PCGF2: variants seen among roughly 807,000 people sequenced by gnomAD.
PCGF2 encodes the protein polycomb group RING finger protein 2.
PCGF2 carries 8 observed loss-of-function variants against 36.1 expected under a neutral mutation model. The ratio of observed to expected loss-of-function variants is 0.22; its 90% CI spans 0.13 to 0.40. The LOEUF (loss-of-function observed/expected upper bound fraction) is 0.40. Ranked by LOEUF, PCGF2 falls within the 10% of genes least tolerant of loss-of-function variation. PCGF2 has a pLI of 1.00. For synonymous variants in PCGF2, 198 were observed against 191.2 expected (o/e 1.04, Z -0.29); for missense variants, 436 against 475.9 (o/e 0.92, Z 0.78).
rs968126661 is a variant in PCGF2, at chr17:38,740,321, C to T, written c.82G>A (p.Ala28Thr). The change falls in exon 3 of 11, where the codon GCC becomes ACC. Residue 28 changes from alanine to threonine, a missense_variant. Coordinates refer to ENST00000620225, the MANE Select transcript of PCGF2 (RefSeq NM_007144.3). ...CALCGGYFID[A>T]TTIVECLHSF... is the part of the protein sequence containing the mutation. Reference sequence around the variant, plus strand: ...TGCAGGCACTCCACGATAGTGGTGGCGTCGATGAAGTACCCCCCGCAGAGG... The same window carrying T: ...TGCAGGCACTCCACGATAGTGGTGGTGTCGATGAAGTACCCCCCGCAGAGG... The T allele has an allele frequency of 1.2e-6, 2 of 1,611,524 alleles. No homozygotes were observed. The highest frequency in any genetic ancestry group is 8.5e-7 in the Non-Finnish European group (1 of 1,178,628).
At chr17:38,743,959 G>A (rs1223039539) in intron 2 of PCGF2, among the ~76,000 whole-genome samples, 1 of 152,142 alleles carries the variant, frequency 6.6e-6, no homozygotes, top group Non-Finnish European at 1.5e-5. Context: ...AAGAGTGGGA[G>A]ACACAGATCC....
intron 2 of PCGF2, among the ~76,000 whole-genome samples, chr17:38,743,999 A>G (rs1452758758): frequency 6.6e-6 from 1 of 152,166 alleles, no homozygotes; most frequent in African/African-American, 2.4e-5. Flanking sequence ...GCCAAGCACC[A>G]TTGGAAGTGG....
At position 38,735,304 on chromosome 17, in the gene PCGF2, C is replaced by G. The variant is rs752386425; in HGVS notation, c.954G>C (p.Leu318Phe). ...TGGAGGATGGTGTCTGCAGGCAGTT[C>G]AAGCTACCCCCGTTGGCAGCTGTGG... ...GATTAANGGS[L>F]NCLQTPSSTS... Residue 318 changes from leucine to phenylalanine, a missense_variant, in exon 11 of 11, where the codon TTG (leucine) becomes TTC (phenylalanine). Physicochemically the swap from Leu to Phe is conservative, Grantham distance 22. Coordinates refer to ENST00000620225, the MANE Select transcript of PCGF2 (RefSeq NM_007144.3). 1 of 1,520,820 alleles carries G rather than the reference C, an allele frequency of 6.6e-7. No individual in the cohort carries two copies. Among genetic ancestry groups the G allele is most frequent in the South Asian group, 1.3e-5 (1 of 77,556 alleles). 94.2% of individuals were successfully genotyped at this position (1,520,820 alleles called of 1,614,324 possible). A position where few individuals can be genotyped will look rare whatever the true frequency, so the allele number is the denominator to read the frequency against.
chr17:38,740,245 GC>G, intron 3 of PCGF2, 45 bp downstream of exon 3: 1 of 1,566,498 alleles, frequency 6.4e-7, no homozygotes, highest in Non-Finnish European at 8.8e-7. Flanking sequence ...CCCAATCTGG[GC>G]ACAGAGGCTG....
intron 9 of PCGF2, 139 bp from the exon 10 acceptor site, chr17:38,736,309 ATT>A (rs1906718463): frequency 9.0e-6 from 6 of 666,562 alleles, no homozygotes; most frequent in African/African-American, 1.8e-5. Context: ...TTCACTGTGG[ATT>A]TGACTTCCCT....
chr17:38,741,400 A>T (rs1907192767), intron 2 of PCGF2, among the ~76,000 whole-genome samples: 1 of 152,208 alleles, frequency 6.6e-6, no homozygotes. Context: ...TTCAAGGAAT[A>T]GAAGAAGGGA....
intron 2 of PCGF2, among the ~76,000 whole-genome samples, chr17:38,745,778 G>A (rs1029817542): frequency 2.0e-5 from 3 of 152,142 alleles, no homozygotes; most frequent in African/African-American, 4.8e-5. Flanking sequence ...TCAGTGGGCC[G>A]CCGTCTGGGA....
intron 2 of PCGF2, among the ~76,000 whole-genome samples, chr17:38,741,139 G>C (rs1301920869): frequency 6.6e-6 from 1 of 151,766 alleles, no homozygotes; most frequent in Non-Finnish European, 1.5e-5. Context: ...TGTAATCCCA[G>C]CATTTTGGGA....
Position 38,739,125 on chromosome 17 carries a change from G to C in PCGF2, c.266-7C>G, listed in dbSNP as rs940142836. ...CGCCGCCGTTTCATCTCATCTGGAA[G>C]AAGGCAGCAGGATGAGGACAGGGCC... On this transcript the variant is annotated splice_polypyrimidine_tract_variant and splice_region_variant and intron_variant, in intron 5 of 10. Coordinates refer to ENST00000620225, the MANE Select transcript of PCGF2 (RefSeq NM_007144.3). This position sits in a 1 kb window ranked among gnomAD's most constrained non-coding sequence, Gnocchi z 4.0. 2 of 1,614,136 alleles carry C rather than the reference G, an allele frequency of 1.2e-6. No homozygotes were observed. The highest frequency in any genetic ancestry group is 2.7e-5 in the African/African-American group (2 of 75,056).
chr17:38,737,279 A>C (rs950607432), intron 9 of PCGF2, among the ~76,000 whole-genome samples: 3 of 152,152 alleles, frequency 2.0e-5, no homozygotes, highest in African/African-American at 7.2e-5. Flanking sequence ...CCTGGCCAAC[A>C]TGGTGAAACC....
intron 2 of PCGF2, among the ~76,000 whole-genome samples, chr17:38,743,479 C>G (rs1907337477): frequency 6.6e-6 from 1 of 152,102 alleles, no homozygotes; most frequent in Non-Finnish European, 1.5e-5. Context: ...CCGAGCATTT[C>G]TGAGAATTCA....
intron 2 of PCGF2, among the ~76,000 whole-genome samples, chr17:38,746,881 T>C (rs1186029152): frequency 6.6e-6 from 1 of 152,132 alleles, no homozygotes; most frequent in South Asian, 2.1e-4. Context: ...GGCTTTATGC[T>C]CCCAGTAATA....
In PCGF2 at chr17:38,740,426, G is replaced by T. The variant is rs1907112914; in HGVS notation, c.-24C>A. On this transcript the variant is annotated 5_prime_UTR_variant, in exon 3 of 11. Coordinates refer to ENST00000620225, the MANE Select transcript of PCGF2 (RefSeq NM_007144.3). ...ATGATTCCGGGGTCGGGGGTGGGGG[G>T]ACTGGGGAGCGTTGCCCTGGGAAAC... 8.9e-6 allele frequency: 6 copies of T among 677,236 alleles called. No individual in the cohort carries two copies. Among genetic ancestry groups the T allele is most frequent in the Non-Finnish European group, 1.5e-5 (6 of 394,320 alleles). The allele number at this position is 677,236 out of a possible 1,614,324, so 42.0% of individuals were successfully genotyped here.
At chr17:38,737,622 A>G (rs377134923) in intron 9 of PCGF2, among the ~76,000 whole-genome samples, 1 of 152,212 alleles carries the variant, frequency 6.6e-6, no homozygotes, top group East Asian at 1.9e-4. Flanking sequence ...TGTTAGAAAT[A>G]TGGAATCTGG....
intron 9 of PCGF2, among the ~76,000 whole-genome samples, chr17:38,737,866 C>G (rs565959202): frequency 2.7e-5 from 4 of 147,672 alleles, no homozygotes; most frequent in Non-Finnish European, 5.9e-5. Flanking sequence ...GAGCCGAGAT[C>G]GCTCCACTGC....
At chr17:38,738,140 C>T (rs1906906725) in intron 9 of PCGF2, among the ~76,000 whole-genome samples, 3 of 152,142 alleles carry the variant, frequency 2.0e-5, no homozygotes, top group Non-Finnish European at 4.4e-5. Flanking sequence ...ACATACACAC[C>T]GTCTTGGTCC....
At chr17:38,748,700 C>A (rs1395410343), upstream of PCGF2, among the ~76,000 whole-genome samples, 1 of 152,142 alleles carries the variant, frequency 6.6e-6, no homozygotes, top group East Asian at 1.9e-4. Flanking sequence ...CTAACTGGGG[C>A]GCCTGGAAAA....
intron 9 of PCGF2, 133 bp from the exon 10 acceptor site, chr17:38,736,303 C>G (rs1485457852): frequency 3.0e-6 from 2 of 673,404 alleles, no homozygotes; most frequent in East Asian, 5.4e-5. Context: ...TGGGATTTCA[C>G]TGTGGATTTG....
At chr17:38,736,663 T>C (rs1302715233) in intron 9 of PCGF2, among the ~76,000 whole-genome samples, 26 of 151,404 alleles carry the variant, frequency 1.7e-4, no homozygotes, top group African/African-American at 4.6e-4. Flanking sequence ...TGAAACCCCG[T>C]CTCTACTAAA....
Sources: gnomAD v4.1 joint callset for allele counts (sites outside exome capture counted in the v4.1 genomes callset) on GRCh38, gnomAD v4.1.1 for gene constraint, Gnocchi (gnomAD v3.1) non-coding constraint, MANE v1.5 for transcripts, NCBI Gene and HGNC (gene_info 2026-07-23, HGNC 2026-07-21) for gene names.